BBS9: variants seen among roughly 807,000 people sequenced by gnomAD.
BBS9 encodes the protein protein PTHB1.
In BBS9, 89 loss-of-function variants were observed where a neutral mutation model predicts 117.7. The observed-to-expected ratio is 0.76, with a 90% confidence interval of 0.64 to 0.90. BBS9 has a LOEUF of 0.90. BBS9 is among the 40% of genes least tolerant of loss of function. The pLI is 0.00. For missense variants in BBS9, 982 were observed against 1,042.2 expected (o/e 0.94, Z 0.80); for synonymous variants, 379 against 370.9 (o/e 1.02, Z -0.25).
chr7:33,601,555 C>T (rs932391135), intron 21 of BBS9, among the ~76,000 whole-genome samples: 3 of 152,062 alleles, frequency 2.0e-5, no homozygotes, highest in Non-Finnish European at 2.9e-5. Flanking sequence ...ATATACTCAT[C>T]TGTTGTTTCT....
rs143984682 is a variant in BBS9, at chr7:33,628,995, T to C, written c.2522-6182T>C. Among the ~76,000 whole-genome samples, 807 of 152,250 alleles carry C rather than the reference T, an allele frequency of 5.3e-3. 7 individuals carry two copies. The highest frequency in any genetic ancestry group is 0.019 in the African/African-American group (788 of 41,554). ...TAGTGCACCCAGAGAACCATGAGCATGAGGGGCTCCCTAGTTAACCTGGGA... is the reference window on the plus strand; with the variant it reads ...TAGTGCACCCAGAGAACCATGAGCACGAGGGGCTCCCTAGTTAACCTGGGA... On this transcript the variant is annotated intron_variant, in intron 21 of 21. Transcript: ENST00000671952.
In BBS9 at chr7:33,566,947, A is replaced by G. The variant is rs1463485620; in HGVS notation, c.2521+32771A>G. On this transcript the variant is annotated intron_variant, in intron 21 of 22. Coordinates refer to ENST00000242067, the MANE Select transcript of BBS9 (RefSeq NM_198428.3). Reference sequence around the variant, plus strand: ...GAAGAATAACTGTATATGAGGAACTAAGTTTCCCCAGGTTGTAAGTTTCTT... The same window carrying G: ...GAAGAATAACTGTATATGAGGAACTGAGTTTCCCCAGGTTGTAAGTTTCTT... 2.6e-5 allele frequency among the ~76,000 whole-genome samples: 4 copies of G among 152,196 alleles called. No homozygotes were observed. The South Asian group carries it at 8.3e-4, about 31-fold the overall frequency.
At chr7:33,500,968 G>GA (rs1485994071) in intron 19 of BBS9, among the ~76,000 whole-genome samples, 1 of 152,044 alleles carries the variant, frequency 6.6e-6, no homozygotes, top group East Asian at 1.9e-4. Flanking sequence ...CCTTCAATTT[G>GA]AAAAAACAAA....
At chr7:33,188,098 G>A (rs143494710) in intron 5 of BBS9, among the ~76,000 whole-genome samples, 19 of 68,172 alleles carry the variant, frequency 2.8e-4, no homozygotes, top group Admixed American at 8.2e-4. Flanking sequence ...GTGTGTGTGT[G>A]TGTGTGTGTG....
chr7:33,337,112 G>GTGTA, intron 10 of BBS9, among the ~76,000 whole-genome samples: 1 of 152,256 alleles, frequency 6.6e-6, no homozygotes, highest in Non-Finnish European at 1.5e-5. Flanking sequence ...TCCAAATGGT[G>GTGTA]TGTAGCTTGC....
intron 19 of BBS9, among the ~76,000 whole-genome samples, chr7:33,464,555 A>G (rs946340419): frequency 6.6e-6 from 1 of 152,084 alleles, no homozygotes; most frequent in Non-Finnish European, 1.5e-5. Context: ...AGATGATCCA[A>G]ATGAAAATGT....
At chr7:33,370,293 A>AT (rs1278067993) in intron 17 of BBS9, among the ~76,000 whole-genome samples, 1 of 149,588 alleles carries the variant, frequency 6.7e-6, no homozygotes, top group Non-Finnish European at 1.5e-5. Flanking sequence ...CCTAGTCCCT[A>AT]TTTAAAAAAA....
At chr7:33,383,990 C>T (rs1825561628) in intron 18 of BBS9, 152 bp downstream of exon 18, 1 of 801,880 alleles carries the variant, frequency 1.2e-6, no homozygotes, top group Non-Finnish European at 1.9e-6. Flanking sequence ...TCCATTCCTG[C>T]CCACTTGCCC....
chr7:33,508,770 A>G (rs1226275871), intron 20 of BBS9, among the ~76,000 whole-genome samples: 1 of 152,228 alleles, frequency 6.6e-6, no homozygotes, highest in African/African-American at 2.4e-5. Context: ...TTGAATGCTC[A>G]TGAAGCTGGC....
chr7:33,363,635 G>T (rs1020731114), intron 16 of BBS9, among the ~76,000 whole-genome samples: 3 of 151,724 alleles, frequency 2.0e-5, no homozygotes, highest in African/African-American at 7.3e-5. Flanking sequence ...GGTGAGAACA[G>T]ACATTGTCTT....
At chr7:33,376,033 TA>T (rs1338580081) in intron 17 of BBS9, among the ~76,000 whole-genome samples, 1 of 152,158 alleles carries the variant, frequency 6.6e-6, no homozygotes, top group Non-Finnish European at 1.5e-5. Context: ...AGTTTTACAT[TA>T]AAAAAACTTT....
chr7:33,583,417 T>TG, intron 21 of BBS9, among the ~76,000 whole-genome samples: 1 of 152,250 alleles, frequency 6.6e-6, no homozygotes, highest in East Asian at 1.9e-4. Flanking sequence ...CTTGATTCTC[T>TG]TTATATATAT....
At chr7:33,345,762 G>C (rs1817475659) in intron 12 of BBS9, among the ~76,000 whole-genome samples, 1 of 152,148 alleles carries the variant, frequency 6.6e-6, no homozygotes, top group Non-Finnish European at 1.5e-5. Context: ...CTTTTGTATA[G>C]GGACACCTCT....
At chr7:33,572,876 T>C (rs1229068487) in intron 21 of BBS9, among the ~76,000 whole-genome samples, 2 of 152,072 alleles carry the variant, frequency 1.3e-5, no homozygotes, top group African/African-American at 2.4e-5. Context: ...AAAATTAATA[T>C]AGGATTGATG....
At chr7:33,279,717 C>T (rs1285939601) in intron 9 of BBS9, among the ~76,000 whole-genome samples, 1 of 152,076 alleles carries the variant, frequency 6.6e-6, no homozygotes, top group African/African-American at 2.4e-5. Context: ...TCTTCCTTTT[C>T]AGATTAAATC....
chr7:33,241,968 G>T (rs914435294), intron 5 of BBS9, among the ~76,000 whole-genome samples: 3 of 151,870 alleles, frequency 2.0e-5, no homozygotes, highest in African/African-American at 7.3e-5. Context: ...AATTTTTTGT[G>T]TATTGTAACT....
At chr7:33,219,792 G>C (rs1789864979) in intron 5 of BBS9, among the ~76,000 whole-genome samples, 1 of 152,190 alleles carries the variant, frequency 6.6e-6, no homozygotes, top group Admixed American at 6.5e-5. Flanking sequence ...AAAGCAGGCT[G>C]CCTGAGTCAG....
At chr7:33,163,427 C>A (rs1795175390) in intron 4 of BBS9, among the ~76,000 whole-genome samples, 2 of 152,160 alleles carry the variant, frequency 1.3e-5, no homozygotes, top group Non-Finnish European at 2.9e-5. Context: ...CTTTGTACCT[C>A]TGGTAGAATT....
intron 21 of BBS9, among the ~76,000 whole-genome samples, chr7:33,574,725 A>ACACACACGCGCG (rs1251263949): frequency 1.6e-5 from 2 of 125,842 alleles, no homozygotes; most frequent in South Asian, 2.9e-4. Flanking sequence ...ACACACACAC[A>ACACACACGCGCG]CGCGCACACA....
Sources: allele counts gnomAD v4.1 joint callset (sites outside exome capture counted in the v4.1 genomes callset), GRCh38; gene constraint gnomAD v4.1.1; transcripts MANE v1.5; gene names NCBI Gene and HGNC (gene_info 2026-07-23, HGNC 2026-07-21).